Variants in SLC25A26 observed in about 807,000 individuals in gnomAD.
SLC25A26 encodes solute carrier family 25 member 26, also known as mitochondrial S-adenosylmethionine carrier protein.
SLC25A26 carries 36 observed loss-of-function variants against 37.8 expected under a neutral mutation model. The observed-to-expected ratio is 0.95, with a 90% CI of 0.73 to 1.26. SLC25A26 has a LOEUF of 1.26. SLC25A26 is among the 50% of genes most tolerant of loss of function. The pLI, the probability that SLC25A26 is intolerant of heterozygous loss-of-function variation, is 0.00. For missense variants in SLC25A26, 390 were observed against 331.1 expected, an observed-to-expected ratio of 1.18 and a Z score of -1.38; for synonymous variants, 129 against 122.5, an observed-to-expected ratio of 1.05 and a Z score of -0.35.
intron 1 of SLC25A26, among the ~76,000 whole-genome samples, chr3:66,136,857 TC>T (rs1448062482): frequency 6.6e-6 from 1 of 152,224 alleles, no homozygotes; most frequent in Non-Finnish European, 1.5e-5. Context: ...AGGTGCTATG[TC>T]CCTCTCATAC....
At chr3:66,269,494 A>G (rs2073879947) in intron 5 of SLC25A26, among the ~76,000 whole-genome samples, 1 of 152,202 alleles carries the variant, frequency 6.6e-6, no homozygotes, top group African/African-American at 2.4e-5. Flanking sequence ...TTGGTATAAA[A>G]AGTAAAGTTA....
rs1169648803 is a variant in SLC25A26, at chr3:66,213,399, C to CAAAAAAAAAAAAAAAAAAAAAAAAAAA, written c.-353-7342_-353-7316dup. Among the ~76,000 whole-genome samples the CAAAAAAAAAAAAAAAAAAAAAAAAAAA allele has an allele frequency of 6.9e-5, 2 of 28,830 alleles. 1 individual carries two copies. The highest frequency in any genetic ancestry group is 2.8e-4 in the African/African-American group (2 of 7,100). 18.9% of individuals were successfully genotyped at this position (28,830 alleles called of 152,430 possible). A position where few individuals can be genotyped will look rare whatever the true frequency, so the allele number is the denominator to read the frequency against. Reference sequence around the variant, plus strand: ...TGGGAAACAGAGCAAGACTCTGTCTCAAAAAAAAAAAAAAAAAAAAAAAAA... The same window carrying CAAAAAAAAAAAAAAAAAAAAAAAAAAA: ...TGGGAAACAGAGCAAGACTCTGTCTCAAAAAAAAAAAAAAAAAAAAAAAAAAAAAAAAAAAAAAAAAAAAAAAAAAAA... On this transcript the variant is annotated intron_variant, in intron 1 of 10. Transcript: ENST00000676754.
At chr3:66,172,773 A>G (rs1329672050) in intron 1 of SLC25A26, among the ~76,000 whole-genome samples, 1 of 152,156 alleles carries the variant, frequency 6.6e-6, no homozygotes, top group African/African-American at 2.4e-5. Context: ...GTTCCCTCAC[A>G]TGCAGCATCC....
chr3:66,256,143 C>A (rs973192270), intron 3 of SLC25A26, among the ~76,000 whole-genome samples: 10 of 151,980 alleles, frequency 6.6e-5, no homozygotes, highest in African/African-American at 2.4e-4. Flanking sequence ...AGTTAGTATA[C>A]CCTTTTCTTT....
chr3:66,310,545 G>A (rs1000035385), intron 5 of SLC25A26, among the ~76,000 whole-genome samples: 1 of 152,170 alleles, frequency 6.6e-6, no homozygotes, highest in Non-Finnish European at 1.5e-5. Flanking sequence ...CATGATGCTA[G>A]CTGTTTATTT....
chr3:66,246,708 G>A (rs1392288866), intron 3 of SLC25A26, among the ~76,000 whole-genome samples: 1 of 152,080 alleles, frequency 6.6e-6, no homozygotes, highest in Non-Finnish European at 1.5e-5. Context: ...TCCCTGAGCT[G>A]GTAAGGCCAA....
chr3:66,151,319 C>T (rs946892805), intron 1 of SLC25A26, among the ~76,000 whole-genome samples: 3 of 152,014 alleles, frequency 2.0e-5, no homozygotes, highest in African/African-American at 7.3e-5. Flanking sequence ...GTCTACTCTG[C>T]TAGGTTACGA....
At chr3:66,355,238 G>A (rs1429180532) in intron 6 of SLC25A26, among the ~76,000 whole-genome samples, 1 of 151,920 alleles carries the variant, frequency 6.6e-6, no homozygotes. Context: ...ACAATCATTA[G>A]TTCAAGATTT....
At chr3:66,371,273 T>C in intron 9 of SLC25A26, 1 of 1,549,630 alleles carries the variant, frequency 6.5e-7, no homozygotes, top group East Asian at 2.4e-5. Flanking sequence ...GGTCGGCAGC[T>C]GCCTGGACTT....
chr3:66,204,440 GA>G (rs1210041519), intron 1 of SLC25A26, among the ~76,000 whole-genome samples: 4 of 110,812 alleles, frequency 3.6e-5, no homozygotes, highest in Non-Finnish European at 5.0e-5. Context: ...AAAAAAAAAA[GA>G]AAAAAAGAAA....
rs571041368 is a variant in SLC25A26 at position 66,154,427 on chromosome 3, A to G, written c.-354+20443A>G. 9.9e-5 allele frequency among the ~76,000 whole-genome samples: 15 copies of G among 152,142 alleles called. No individual in the cohort carries two copies. The South Asian group carries it at 3.1e-3, about 32-fold the overall frequency. On this transcript the variant is annotated intron_variant, in intron 1 of 10. Coordinates refer to the SLC25A26 transcript ENST00000676754. ...ATTATTCTTCCACACTTACTGTCTC[A>G]TGGAAGAGGCAATATTCTGTGGAGG... is the stretch of plus-strand genomic sequence containing the variant.
At chr3:66,189,832 A>ATTT (rs1184350616) in intron 1 of SLC25A26, among the ~76,000 whole-genome samples, 12 of 149,242 alleles carry the variant, frequency 8.0e-5, no homozygotes, top group African/African-American at 2.0e-4. Context: ...TAGGTAATTA[A>ATTT]TTTTTTTTTT....
chr3:66,229,939 C>G (rs1265142925), intron 1 of SLC25A26, among the ~76,000 whole-genome samples: 1 of 152,176 alleles, frequency 6.6e-6, no homozygotes, highest in Non-Finnish European at 1.5e-5. Context: ...AGAAGTCCCC[C>G]TGAGTATTCC....
intron 1 of SLC25A26, among the ~76,000 whole-genome samples, chr3:66,202,072 T>C (rs953743960): frequency 3.9e-5 from 6 of 152,200 alleles, no homozygotes; most frequent in Admixed American, 2.6e-4. Flanking sequence ...TGTATGTTTA[T>C]TGCAGCACTA....
chr3:66,298,203 T>C (rs1371619351), intron 5 of SLC25A26, among the ~76,000 whole-genome samples: 2 of 152,180 alleles, frequency 1.3e-5, no homozygotes, highest in African/African-American at 4.8e-5. Flanking sequence ...AAAGTTCAGT[T>C]AACAGATTTT....
chr3:66,328,454 A>C lies in SLC25A26; in HGVS notation c.454-17910A>C, dbSNP rs549558507. Among the ~76,000 whole-genome samples, 12 of 152,294 alleles carry C rather than the reference A, an allele frequency of 7.9e-5. No individual in the cohort carries two copies. In the South Asian group the frequency reaches 2.5e-3, roughly 32 times the overall value. Reference sequence around the variant, plus strand: ...AAATAGGAGATCAGCTGTGGACTCTAGATTTCCTCATCAGCTCACATATTT... The same window carrying C: ...AAATAGGAGATCAGCTGTGGACTCTCGATTTCCTCATCAGCTCACATATTT... On this transcript the variant is annotated intron_variant, in intron 5 of 9. Coordinates refer to ENST00000354883, the MANE Select transcript of SLC25A26 (RefSeq NM_001379210.1).
chr3:66,151,574 C>T (rs1247761292), intron 1 of SLC25A26, among the ~76,000 whole-genome samples: 1 of 152,228 alleles, frequency 6.6e-6, no homozygotes, highest in African/African-American at 2.4e-5. Flanking sequence ...CCATGCCCAA[C>T]TCTCTGCACC....
At chr3:66,235,473 A>G (rs139760937) in intron 1 of SLC25A26, among the ~76,000 whole-genome samples, 5,941 of 152,276 alleles carry the variant, frequency 0.039, 389 homozygotes, top group African/African-American at 0.13. Flanking sequence ...AAAAAAATCA[A>G]TTTATTCACT....
At chr3:66,148,585 G>A (rs535473172) in intron 1 of SLC25A26, among the ~76,000 whole-genome samples, 1 of 152,354 alleles carries the variant, frequency 6.6e-6, no homozygotes, top group African/African-American at 2.4e-5. Context: ...GACAATGAAT[G>A]TGTTGGATAA....
Sources: allele counts gnomAD v4.1 joint callset (sites outside exome capture counted in the v4.1 genomes callset), GRCh38; gene constraint gnomAD v4.1.1; transcripts MANE v1.5; gene names NCBI Gene and HGNC (gene_info 2026-07-23, HGNC 2026-07-21).